Variants in NKIRAS1 observed in about 807,000 individuals in gnomAD.
NKIRAS1 encodes the protein NFKB inhibitor interacting Ras like 1, also known as NF-kappa-B inhibitor-interacting Ras-like protein 1.
In NKIRAS1, 16 loss-of-function variants were observed where a neutral mutation model predicts 19.8. The observed-to-expected ratio is 0.81, with a 90% confidence interval of 0.55 to 1.23. The LOEUF (loss-of-function observed/expected upper bound fraction) is 1.23. NKIRAS1 is among the 50% of genes most tolerant of loss of function. The pLI is 0.00. For missense variants in NKIRAS1, 184 were observed against 220.0 expected (o/e 0.84, Z 1.04); for synonymous variants, 88 against 79.0 (o/e 1.11, Z -0.61).
rs550719961 is a variant in NKIRAS1 at position 23,928,140 on chromosome 3, A to G, written c.-139-16690T>C. On this transcript the variant is annotated intron_variant, in intron 1 of 4. Transcript: ENST00000421515. ...CACACACACACACATACACACACAC[A>G]CAGTTCATCTGAGCCAGGAATGGTA... Among the ~76,000 whole-genome samples the G allele has an allele frequency of 1.5e-4, 22 of 151,358 alleles. No individual in the cohort carries two copies. The East Asian group carries it at 3.9e-3, about 27-fold the overall frequency.
Position 23,926,469 on chromosome 3 carries a change from T to C in NKIRAS1, c.-139-15019A>G, listed in dbSNP as rs1209407471. Reference sequence around the variant, plus strand: ...CTCCTCTTCTCTCTTTTTTCTCTTCTTCCTCTTTCTCTCCTTCTCTTTCCT... The same window carrying C: ...CTCCTCTTCTCTCTTTTTTCTCTTCCTCCTCTTTCTCTCCTTCTCTTTCCT... On this transcript the variant is annotated intron_variant, in intron 1 of 4. Coordinates refer to the NKIRAS1 transcript ENST00000421515. The surrounding 1 kb of genome is among the most constrained non-coding windows in gnomAD (Gnocchi z 4.3). 6.6e-6 allele frequency among the ~76,000 whole-genome samples: 1 copy of C among 152,154 alleles called. No homozygotes were observed. The highest frequency in any genetic ancestry group is 2.4e-5 in the African/African-American group (1 of 41,428).
At chr3:23,914,321 ATAAG>A (rs909081408) in intron 1 of NKIRAS1, among the ~76,000 whole-genome samples, 25 of 152,282 alleles carry the variant, frequency 1.6e-4, no homozygotes, top group African/African-American at 5.8e-4. Context: ...TTCTATTTTT[ATAAG>A]TAAAACACAA....
Position 23,892,461 on chromosome 3 carries a change from A to G in NKIRAS1, c.*634T>C, listed in dbSNP as rs1005919416. 2 of 152,196 alleles carry G rather than the reference A, an allele frequency of 1.3e-5. No homozygotes were observed. The highest frequency in any genetic ancestry group is 6.5e-5 in the Admixed American group (1 of 15,272). The allele number at this position is 152,196 out of a possible 1,614,324, so 9.4% of individuals were successfully genotyped here. On this transcript the variant is annotated 3_prime_UTR_variant, in exon 5 of 5. Transcript: ENST00000425478. ...TCTATCAACAGGGGTCTGGCTAAGGAAAAAACGGCCTTAGAGCGTGATGAA... is the reference window on the plus strand; with the variant it reads ...TCTATCAACAGGGGTCTGGCTAAGGGAAAAACGGCCTTAGAGCGTGATGAA...
chr3:23,902,608 T>C (rs910674846), intron 3 of NKIRAS1, among the ~76,000 whole-genome samples: 41 of 152,308 alleles, frequency 2.7e-4, no homozygotes, highest in Admixed American at 2.4e-3. Context: ...TTAGCCCACC[T>C]CCACCTGCCT....
intron 1 of NKIRAS1, among the ~76,000 whole-genome samples, chr3:23,925,478 C>CA (rs201037641): frequency 6.6e-6 from 1 of 151,930 alleles, no homozygotes; most frequent in African/African-American, 2.4e-5. Flanking sequence ...ATTAAAAATA[C>CA]AAAAAATTAG....
chr3:23,945,508 CT>C (rs1164509049), intron 1 of NKIRAS1: 1 of 946,628 alleles, frequency 1.1e-6, no homozygotes, highest in Admixed American at 6.3e-5. Context: ...CGGCGCGGCG[CT>C]GAGGCGGCGG....
At chr3:23,918,928 T>C, upstream of NKIRAS1, 1 of 530,064 alleles carries the variant, frequency 1.9e-6, no homozygotes, top group Non-Finnish European at 3.3e-6. Flanking sequence ...ACCCTAAATT[T>C]TGTTACCCAG....
chr3:23,900,857 CTT>C lies in NKIRAS1; in HGVS notation c.285_286del (p.Arg96SerfsTer10), dbSNP rs752369282. ...GATTTCTTTCTTCAGAAGCTCCACT[CTT>C]TGAAAGGATTCAAGGTTATTCACAC... On this transcript the variant is annotated frameshift_variant, in exon 4 of 5. Coordinates refer to ENST00000425478, the MANE Select transcript of NKIRAS1 (RefSeq NM_020345.4). LOFTEE classifies it high-confidence loss of function. 2 of 1,613,768 alleles carry C rather than the reference CTT, an allele frequency of 1.2e-6. No homozygotes were observed. Among genetic ancestry groups the C allele is most frequent in the African/African-American group, 2.7e-5 (2 of 74,918 alleles).
chr3:23,914,958 G>A (rs1481334716), intron 1 of NKIRAS1, among the ~76,000 whole-genome samples: 2 of 152,146 alleles, frequency 1.3e-5, no homozygotes, highest in South Asian at 4.1e-4. Flanking sequence ...ATACATACAG[G>A]GCTGCACTAC....
At chr3:23,910,950 T>A in intron 2 of NKIRAS1, 29 bp from the exon 3 acceptor site, 1 of 1,460,344 alleles carries the variant, frequency 6.8e-7, no homozygotes, top group Non-Finnish European at 9.6e-7. Flanking sequence ...GTCTTTTAAA[T>A]TGTATACTGT....
chr3:23,937,991 T>C (rs925947249), intron 1 of NKIRAS1, among the ~76,000 whole-genome samples: 1 of 152,058 alleles, frequency 6.6e-6, no homozygotes, highest in Admixed American at 6.5e-5. Context: ...AGAAACTGGG[T>C]CTATATCTGA....
At chr3:23,899,555 C>G (rs532790029) in intron 4 of NKIRAS1, among the ~76,000 whole-genome samples, 186 of 152,168 alleles carry the variant, frequency 1.2e-3, no homozygotes, top group African/African-American at 4.3e-3. Flanking sequence ...ACGTGAAGAT[C>G]TGGAGAAAGA....
At chr3:23,908,315 C>A (rs1043529764) in intron 3 of NKIRAS1, among the ~76,000 whole-genome samples, 2 of 152,240 alleles carry the variant, frequency 1.3e-5, no homozygotes, top group South Asian at 2.1e-4. Context: ...ACTGCAATAA[C>A]CTTTAAGTAA....
intron 4 of NKIRAS1, among the ~76,000 whole-genome samples, chr3:23,900,023 C>T (rs1278345743): frequency 6.6e-6 from 1 of 151,920 alleles, no homozygotes; most frequent in East Asian, 1.9e-4. Flanking sequence ...ATTACTGGGC[C>T]TGGTAGCACA....
intron 1 of NKIRAS1, chr3:23,946,136 G>C (rs374885736): frequency 6.1e-6 from 6 of 984,998 alleles, no homozygotes; most frequent in Non-Finnish European, 7.2e-6. Context: ...CTCCCCCGCG[G>C]GGTTGCACAC....
upstream of NKIRAS1, chr3:23,921,732 G>A (rs1575124831): frequency 3.2e-6 from 2 of 625,632 alleles, no homozygotes; most frequent in Non-Finnish European, 5.6e-6. Flanking sequence ...ACACTGCCAT[G>A]CCCAGCTAAG....
At chr3:23,930,435 T>C (rs1705289247) in intron 1 of NKIRAS1, among the ~76,000 whole-genome samples, 1 of 147,404 alleles carries the variant, frequency 6.8e-6, no homozygotes, top group Admixed American at 7.0e-5. Flanking sequence ...CCATTGATTT[T>C]GAACCTCAGA....
chr3:23,946,239 C>T lies in NKIRAS1; in HGVS notation c.-140+84G>A, dbSNP rs949796662. ...ACACCGCAGTGCACCGGACGCCGCA[C>T]GCTCTTTTCGCGAGGTGACCCCAAG... On this transcript the variant is annotated intron_variant, in intron 1 of 4. Transcript: ENST00000421515. The T allele has an allele frequency of 3.0e-6, 3 of 985,342 alleles. No homozygotes were observed. In the African/African-American group the frequency reaches 5.2e-5, roughly 17 times the overall value. The allele number at this position is 985,342 out of a possible 1,614,324, so 61.0% of individuals were successfully genotyped here. A position where few individuals can be genotyped will look rare whatever the true frequency, so the allele number is the denominator to read the frequency against.
At chr3:23,918,863 T>G (rs772064880), upstream of NKIRAS1, 467 of 504,992 alleles carry the variant, frequency 9.2e-4, 1 homozygote, top group Non-Finnish European at 1.4e-3. Context: ...CTAAATATTT[T>G]TAAAGCTAAA....
Sources: gnomAD v4.1 joint callset for allele counts (sites outside exome capture counted in the v4.1 genomes callset) on GRCh38, gnomAD v4.1.1 for gene constraint, Gnocchi (gnomAD v3.1) non-coding constraint, MANE v1.5 for transcripts, NCBI Gene and HGNC (gene_info 2026-07-23, HGNC 2026-07-21) for gene names.